The following THEMIS variants were observed in gnomAD, a reference collection of about 807,000 sequenced individuals.
THEMIS encodes the protein protein THEMIS.
In THEMIS, 37 loss-of-function variants were observed where a neutral mutation model predicts 52.6. That is an observed-to-expected ratio of 0.70 (90% CI 0.54 to 0.93). The LOEUF (loss-of-function observed/expected upper bound fraction) is 0.93, where lower values mean the gene tolerates loss of function less well. Among genes scored for constraint, THEMIS ranks in the 40% least tolerant of loss-of-function variants. THEMIS has a pLI of 0.00. For synonymous variants in THEMIS, 292 were observed against 272.7 expected, an observed-to-expected ratio of 1.07 and a Z score of -0.70; for missense variants, 808 against 763.1, an observed-to-expected ratio of 1.06 and a Z score of -0.69.
At chr6:127,891,946 C>T (rs1232286168) in intron 1 of THEMIS, among the ~76,000 whole-genome samples, 1 of 152,208 alleles carries the variant, frequency 6.6e-6, no homozygotes, top group African/African-American at 2.4e-5. Flanking sequence ...CAGATGTCTG[C>T]ACTGTCTGTT....
chr6:127,703,039 T>TTTTTTTC, the THEMIS span, among the ~76,000 whole-genome samples: 1 of 96,226 alleles, frequency 1.0e-5, no homozygotes, highest in Non-Finnish European at 2.1e-5. Context: ...GAATGAGTTT[T>TTTTTTTC]TTTTTTTTTT....
At chr6:127,730,192 A>C (rs1774716605) in intron 4 of THEMIS, among the ~76,000 whole-genome samples, 1 of 151,680 alleles carries the variant, frequency 6.6e-6, no homozygotes, top group South Asian at 2.1e-4. Flanking sequence ...GCTTTAGTCT[A>C]GGAGTTCAAG....
chr6:127,790,588 C>T (rs13211550), intron 4 of THEMIS, among the ~76,000 whole-genome samples: 9,101 of 152,256 alleles, frequency 0.06, 347 homozygotes, highest in African/African-American at 0.097. Context: ...CTCATAGGAT[C>T]CTTCAGGTGT....
chr6:127,738,280 TC>T (rs1775076363), intron 4 of THEMIS, among the ~76,000 whole-genome samples: 1 of 152,044 alleles, frequency 6.6e-6, no homozygotes, highest in African/African-American at 2.4e-5. Flanking sequence ...CAGACTGTAA[TC>T]CAATTGCCAA....
intron 4 of THEMIS, among the ~76,000 whole-genome samples, chr6:127,796,096 T>A (rs80085113): frequency 1.4e-3 from 214 of 152,334 alleles, no homozygotes; most frequent in Middle Eastern, 6.8e-3. Flanking sequence ...TGGATCTGAT[T>A]TCAAGGCAAG....
intron 4 of THEMIS, among the ~76,000 whole-genome samples, chr6:127,765,354 C>A: frequency 6.6e-6 from 1 of 151,884 alleles, no homozygotes; most frequent in Non-Finnish European, 1.5e-5. Context: ...CAATAAAAGC[C>A]CAAATTGGGA....
chr6:127,747,172 T>TTGTA (rs1174239489), intron 4 of THEMIS, among the ~76,000 whole-genome samples: 916 of 63,622 alleles, frequency 0.014, 1 homozygote, highest in South Asian at 0.02. Flanking sequence ...TTATATATAA[T>TTGTA]TATAGATATC....
intron 1 of THEMIS, among the ~76,000 whole-genome samples, chr6:127,876,095 A>G (rs1289954198): frequency 1.3e-5 from 2 of 152,204 alleles, no homozygotes; most frequent in African/African-American, 4.8e-5. Context: ...AGAAGAATAT[A>G]TTGGAAATGC....
At chr6:127,844,186 A>C (rs1455401574) in intron 2 of THEMIS, among the ~76,000 whole-genome samples, 1 of 152,010 alleles carries the variant, frequency 6.6e-6, no homozygotes, top group African/African-American at 2.4e-5. Context: ...ACCACTTGCT[A>C]TGTGATTTGG....
chr6:127,862,165 A>T (rs1470781975), intron 1 of THEMIS, among the ~76,000 whole-genome samples: 1 of 152,258 alleles, frequency 6.6e-6, no homozygotes, highest in African/African-American at 2.4e-5. Context: ...CTAATACACA[A>T]AGTCTTAATT....
chr6:127,782,480 G>T (rs567224517), intron 4 of THEMIS, among the ~76,000 whole-genome samples: 1 of 152,184 alleles, frequency 6.6e-6, no homozygotes, highest in Non-Finnish European at 1.5e-5. Context: ...CATGGGAAAA[G>T]CATAGTATCT....
intron 1 of THEMIS, among the ~76,000 whole-genome samples, chr6:127,878,355 A>G (rs1376270348): frequency 6.6e-6 from 1 of 152,110 alleles, no homozygotes; most frequent in Non-Finnish European, 1.5e-5. Context: ...TCTCTAATGA[A>G]CTTTTCAGGC....
intron 4 of THEMIS, among the ~76,000 whole-genome samples, chr6:127,770,968 G>A (rs1220475619): frequency 6.6e-6 from 1 of 152,112 alleles, no homozygotes; most frequent in African/African-American, 2.4e-5. Context: ...ATTAGGAAAA[G>A]AGGAAGTCAA....
intron 4 of THEMIS, among the ~76,000 whole-genome samples, chr6:127,778,156 G>A (rs1023284734): frequency 1.3e-5 from 2 of 152,122 alleles, no homozygotes; most frequent in African/African-American, 4.8e-5. Context: ...TTATATGTGT[G>A]TGTATGTATA....
Position 127,813,727 on chromosome 6 carries a change from T to C in THEMIS, c.914A>G (p.Lys305Arg). 6.2e-7 allele frequency: 1 copy of C among 1,613,952 alleles called. No homozygotes were observed. Among genetic ancestry groups the C allele is most frequent in the Non-Finnish European group, 8.5e-7 (1 of 1,179,946 alleles). The change falls in exon 4 of 6, where the codon AAA becomes AGA. Residue 305 changes from lysine to arginine, a missense_variant. Lys to Arg is a conservative substitution (Grantham distance 26). Transcript: ENST00000368248. ...GTACTTTTTGTGGATCACAATGGTTTTCCCAGGCTGTAAAATGCTTTGGGG... is the reference window on the plus strand; with the variant it reads ...GTACTTTTTGTGGATCACAATGGTTCTCCCAGGCTGTAAAATGCTTTGGGG... ...HLPQSILQPG[K>R]TIVIHKKYQA...
In THEMIS at chr6:127,882,654, G is replaced by C. The variant is rs375246820; in HGVS notation, c.91+18188C>G. 5.5e-4 allele frequency among the ~76,000 whole-genome samples: 84 copies of C among 151,708 alleles called. 1 individual carries two copies. The South Asian group carries it at 0.017, about 31-fold the overall frequency. The stretch of plus-strand genomic sequence containing the variant: ...GAAATTATTTTTTTTAAATGTGATA[G>C]GCCATATTTCATTAGACTTTAATTT... On this transcript the variant is annotated intron_variant, in intron 1 of 5. Transcript: ENST00000368248.
At chr6:127,837,962 AT>A (rs1778926255) in intron 2 of THEMIS, among the ~76,000 whole-genome samples, 1 of 152,090 alleles carries the variant, frequency 6.6e-6, no homozygotes, top group African/African-American at 2.4e-5. Context: ...AGTTGATTCT[AT>A]TATTTTCCTA....
intron 4 of THEMIS, among the ~76,000 whole-genome samples, chr6:127,806,922 C>G (rs368097130): frequency 5.3e-5 from 8 of 152,172 alleles, no homozygotes; most frequent in African/African-American, 1.9e-4. Context: ...CATCCTTTGC[C>G]CTCTTCTCCC....
intron 4 of THEMIS, among the ~76,000 whole-genome samples, chr6:127,754,943 T>C (rs958183604): frequency 1.3e-5 from 2 of 151,674 alleles, no homozygotes; most frequent in Non-Finnish European, 2.9e-5. Flanking sequence ...CTAGAAATTA[T>C]TGCAATGCAT....
Sources: allele counts gnomAD v4.1 joint callset (sites outside exome capture counted in the v4.1 genomes callset), GRCh38; gene constraint gnomAD v4.1.1; transcripts MANE v1.5; gene names NCBI Gene and HGNC (gene_info 2026-07-23, HGNC 2026-07-21).